Variants in CTTNBP2 observed in about 807,000 individuals in gnomAD.
The protein encoded by CTTNBP2 is cortactin-binding protein 2.
In CTTNBP2, 108 loss-of-function variants were observed where a neutral mutation model predicts 156.9. The observed-to-expected ratio is 0.69, with a 90% CI of 0.59 to 0.81. The LOEUF (loss-of-function observed/expected upper bound fraction) is 0.81, where lower values mean the gene tolerates loss of function less well. CTTNBP2 is among the 30% of genes least tolerant of loss of function. The probability of loss-of-function intolerance (pLI) is 0.00; values close to 1 mark genes in which losing one functional copy is unlikely to be tolerated. For missense variants in CTTNBP2, 1,924 were observed against 2,035.4 expected (o/e 0.95, Z 1.05); for synonymous variants, 767 against 751.8 (o/e 1.02, Z -0.33).
chr7:117,770,380 T>G (rs1797737261), intron 8 of CTTNBP2, among the ~76,000 whole-genome samples: 1 of 152,200 alleles, frequency 6.6e-6, no homozygotes, highest in South Asian at 2.1e-4. Context: ...GAGTAGCACA[T>G]AGCCAAACAC....
At chr7:117,801,997 G>A (rs970606348) in intron 3 of CTTNBP2, among the ~76,000 whole-genome samples, 32 of 150,880 alleles carry the variant, frequency 2.1e-4, no homozygotes, top group African/African-American at 5.4e-4. Flanking sequence ...ATGCTGGTGC[G>A]CTGCACCCAC....
chr7:117,738,816 G>A (rs1795843233), intron 14 of CTTNBP2, among the ~76,000 whole-genome samples: 1 of 152,106 alleles, frequency 6.6e-6, no homozygotes, highest in Non-Finnish European at 1.5e-5. Context: ...AAATAAATGA[G>A]TTTTCAGGCA....
intron 2 of CTTNBP2, among the ~76,000 whole-genome samples, chr7:117,854,776 A>AT (rs2117211646): frequency 2.9e-5 from 4 of 137,646 alleles, no homozygotes; most frequent in South Asian, 4.8e-4. Context: ...GATTTAATTA[A>AT]TTAATTAATT....
In CTTNBP2 at chr7:117,735,000, C is replaced by A. The variant is rs779981810; in HGVS notation, c.3789G>T (p.Gln1263His). Residue 1263 changes from glutamine to histidine, a missense_variant, in exon 16 of 23, where the codon CAG (glutamine) becomes CAT (histidine). Transcript: ENST00000160373. ...CLQGSDLLVQ[Q>H]HFRWVQLRWD... ...ACCGCAGCTGCACCCAGCGGAAATG[C>A]TGCTGCACCAGCAAGTCGGAGCCCT... 2 of 1,614,176 alleles carry A rather than the reference C, an allele frequency of 1.2e-6. No homozygotes were observed. The highest frequency in any genetic ancestry group is 1.7e-5 in the Admixed American group (1 of 60,032).
chr7:117,763,757 G>A (rs1797334906), intron 9 of CTTNBP2, among the ~76,000 whole-genome samples: 1 of 151,464 alleles, frequency 6.6e-6, no homozygotes, highest in South Asian at 2.1e-4. Context: ...TTTTTGAAGA[G>A]ATGGAGTTTT....
chr7:117,756,870 C>T (rs1351196806), intron 11 of CTTNBP2, among the ~76,000 whole-genome samples: 2 of 152,214 alleles, frequency 1.3e-5, no homozygotes, highest in Non-Finnish European at 2.9e-5. Context: ...CTGTTCCTTC[C>T]TCCACCCCCT....
intron 2 of CTTNBP2, among the ~76,000 whole-genome samples, chr7:117,851,881 GA>G (rs1449692359): frequency 2.6e-5 from 4 of 152,080 alleles, no homozygotes; most frequent in African/African-American, 9.7e-5. Context: ...ACTTTTTTAT[GA>G]AAAATGTATT....
intron 7 of CTTNBP2, among the ~76,000 whole-genome samples, chr7:117,780,142 T>TA (rs1205088533): frequency 1.3e-5 from 2 of 152,184 alleles, no homozygotes; most frequent in African/African-American, 4.8e-5. Flanking sequence ...GTTGAATGAA[T>TA]AAAAAATTAT....
At chr7:117,837,550 T>C (rs901538743) in intron 2 of CTTNBP2, among the ~76,000 whole-genome samples, 9 of 152,198 alleles carry the variant, frequency 5.9e-5, no homozygotes, top group African/African-American at 1.9e-4. Context: ...ATTTCAGATT[T>C]TTTAGATTTT....
intron 3 of CTTNBP2, among the ~76,000 whole-genome samples, chr7:117,800,877 T>C (rs1360311618): frequency 1.3e-5 from 2 of 152,122 alleles, no homozygotes; most frequent in Non-Finnish European, 2.9e-5. Context: ...TCCCATTAAA[T>C]AGGAAACAGT....
chr7:117,873,375 CG>C lies in CTTNBP2; in HGVS notation c.40del (p.Arg14GlyfsTer34). The C allele has an allele frequency of 6.7e-7, 1 of 1,482,686 alleles. No individual in the cohort carries two copies. Among genetic ancestry groups the C allele is most frequent in the Non-Finnish European group, 8.9e-7 (1 of 1,123,006 alleles). 91.8% of individuals were successfully genotyped at this position (1,482,686 alleles called of 1,614,324 possible). On this transcript the variant is annotated frameshift_variant, in exon 1 of 23. Transcript: ENST00000160373. LOFTEE classifies it high-confidence loss of function. ...DGASCEPDLS[R>X]APEDAAGAAA... ...GGCCCCCGCCGCGTCCTCCGGGGCC[CG>C]GGACAAGTCGGGCTCGCAGCTCGCG...
intron 2 of CTTNBP2, among the ~76,000 whole-genome samples, chr7:117,830,381 A>G (rs969162743): frequency 1.3e-5 from 2 of 152,170 alleles, no homozygotes; most frequent in Non-Finnish European, 2.9e-5. Flanking sequence ...GAGACCTCCT[A>G]AGGTCAAAAA....
At chr7:117,773,146 T>A (rs1025156790) in intron 8 of CTTNBP2, among the ~76,000 whole-genome samples, 3 of 152,218 alleles carry the variant, frequency 2.0e-5, no homozygotes, top group African/African-American at 7.2e-5. Context: ...GCACCTAATC[T>A]AATGTTCTCT....
intron 2 of CTTNBP2, among the ~76,000 whole-genome samples, chr7:117,852,698 G>A (rs1358797204): frequency 6.6e-6 from 1 of 152,136 alleles, no homozygotes; most frequent in Non-Finnish European, 1.5e-5. Flanking sequence ...CAATTGCAAG[G>A]GAACAGCAAA....
At chr7:117,873,201 C>A in intron 1 of CTTNBP2, 134 bp downstream of exon 1, 1 of 660,614 alleles carries the variant, frequency 1.5e-6, no homozygotes, top group Non-Finnish European at 2.2e-6. Context: ...AGGGGGGCCC[C>A]GATGAAGGGG....
In CTTNBP2 at chr7:117,725,118, C is replaced by T; in HGVS notation, c.4195G>A (p.Val1399Ile). The T allele has an allele frequency of 6.2e-7, 1 of 1,613,306 alleles. No individual in the cohort carries two copies. Among genetic ancestry groups the T allele is most frequent in the Non-Finnish European group, 8.5e-7 (1 of 1,180,030 alleles). The change falls in exon 18 of 23, where the codon GTC becomes ATC. Residue 1399 changes from valine (V) to isoleucine (I), a missense_variant. By Grantham distance (29) the Val-to-Ile change is conservative. Coordinates refer to ENST00000160373, the MANE Select transcript of CTTNBP2 (RefSeq NM_033427.3). ...RHPSQGQQAV[V>I]KAALSILLNK... is the part of the protein sequence containing the mutation. Reference sequence around the variant, plus strand: ...AGCAAGATGCTGAGAGCAGCTTTGACCACAGCCTGCTGTCCTTGGCTAGGG... The same window carrying T: ...AGCAAGATGCTGAGAGCAGCTTTGATCACAGCCTGCTGTCCTTGGCTAGGG...
chr7:117,851,535 C>T (rs901239673), intron 2 of CTTNBP2, among the ~76,000 whole-genome samples: 5 of 152,186 alleles, frequency 3.3e-5, no homozygotes, highest in South Asian at 2.1e-4. Context: ...AAGTGGTTAA[C>T]GTAATCTCCC....
chr7:117,719,228 A>G (rs751009937), intron 21 of CTTNBP2, among the ~76,000 whole-genome samples: 6 of 152,156 alleles, frequency 3.9e-5, no homozygotes, highest in African/African-American at 7.2e-5. Context: ...AAGCTGCCCA[A>G]ATGAATTGAT....
chr7:117,717,183 G>A (rs1794449286), intron 22 of CTTNBP2, among the ~76,000 whole-genome samples: 1 of 152,166 alleles, frequency 6.6e-6, no homozygotes, highest in African/African-American at 2.4e-5. Flanking sequence ...GTGCAGTGCT[G>A]TAGTCATGGA....
Sources: allele counts gnomAD v4.1 joint callset (sites outside exome capture counted in the v4.1 genomes callset), GRCh38; gene constraint gnomAD v4.1.1; transcripts MANE v1.5; gene names NCBI Gene and HGNC (gene_info 2026-07-23, HGNC 2026-07-21).